Variants in LOC128125817 observed in about 807,000 individuals in gnomAD.
the LOC128125817 span, among the ~76,000 whole-genome samples, chr1:41,623,432 G>T: frequency 6.6e-6 from 1 of 152,168 alleles, no homozygotes; most frequent in Non-Finnish European, 1.5e-5. Context: ...AACAAACAGG[G>T]CTATGTAAAT....
the LOC128125817 span, among the ~76,000 whole-genome samples, chr1:41,597,681 G>T: frequency 6.6e-6 from 1 of 152,162 alleles, no homozygotes; most frequent in Non-Finnish European, 1.5e-5. Flanking sequence ...CTCACAGAGA[G>T]GACACAGATT....
At chr1:41,587,856 T>C in the LOC128125817 span, among the ~76,000 whole-genome samples, 1 of 152,198 alleles carries the variant, frequency 6.6e-6, no homozygotes, top group Non-Finnish European at 1.5e-5. Flanking sequence ...TGTGGCATGA[T>C]GCGCACTGCA....
chr1:41,613,459 G>A, the LOC128125817 span, among the ~76,000 whole-genome samples: 1 of 152,146 alleles, frequency 6.6e-6, no homozygotes, highest in Non-Finnish European at 1.5e-5. Flanking sequence ...CATGTTCTCT[G>A]TGCCTGCCAC....
chr1:41,589,315 G>T, the LOC128125817 span, among the ~76,000 whole-genome samples: 2 of 152,214 alleles, frequency 1.3e-5, no homozygotes, highest in African/African-American at 4.8e-5. Context: ...ATAACCCTGA[G>T]GGGAACCTGA....
the LOC128125817 span, among the ~76,000 whole-genome samples, chr1:41,620,619 A>G: frequency 0.62 from 93,794 of 151,946 alleles, 29,428 homozygotes; most frequent in African/African-American, 0.74. Flanking sequence ...CACCTGCCCC[A>G]CCCAGCACGC....
the LOC128125817 span, among the ~76,000 whole-genome samples, chr1:41,624,258 G>T: frequency 1.7e-3 from 256 of 152,256 alleles, no homozygotes; most frequent in Middle Eastern, 3.4e-3. Context: ...TTTGCTGAAG[G>T]GGTAGTCTCC....
chr1:41,588,210 A>G, the LOC128125817 span, among the ~76,000 whole-genome samples: 24 of 152,276 alleles, frequency 1.6e-4, no homozygotes, highest in Non-Finnish European at 2.9e-5. Flanking sequence ...ACTGTGATGG[A>G]GAGGCCTTTG....
chr1:41,614,041 C>T, the LOC128125817 span, among the ~76,000 whole-genome samples: 3 of 152,212 alleles, frequency 2.0e-5, no homozygotes, highest in Non-Finnish European at 2.9e-5. Context: ...TGTGAGATCA[C>T]GCAGGTTGGA....
the LOC128125817 span, among the ~76,000 whole-genome samples, chr1:41,619,513 C>T: frequency 6.6e-6 from 1 of 152,152 alleles, no homozygotes; most frequent in African/African-American, 2.4e-5. Context: ...CTCCAAGAGG[C>T]AGGTGTTTTG....
the LOC128125817 span, among the ~76,000 whole-genome samples, chr1:41,617,944 T>C: frequency 7.9e-5 from 12 of 152,214 alleles, no homozygotes; most frequent in African/African-American, 2.9e-4. Context: ...CAGGCTCACA[T>C]GTCATTGGGT....
the LOC128125817 span, among the ~76,000 whole-genome samples, chr1:41,586,067 G>A: frequency 6.6e-6 from 1 of 152,228 alleles, no homozygotes; most frequent in African/African-American, 2.4e-5. Flanking sequence ...CTTGATCCAA[G>A]CAATTGCCAG....
At chr1:41,605,699 A>G in the LOC128125817 span, among the ~76,000 whole-genome samples, 1 of 152,080 alleles carries the variant, frequency 6.6e-6, no homozygotes, top group Non-Finnish European at 1.5e-5. Flanking sequence ...TGAAGGATGA[A>G]CAGGATCTCA....
chr1:41,600,337 T>G, the LOC128125817 span, among the ~76,000 whole-genome samples: 2 of 152,334 alleles, frequency 1.3e-5, no homozygotes, highest in East Asian at 3.9e-4. Context: ...GATGAATGAA[T>G]GGATAAAAAA....
At chr1:41,616,569 CTT>C in the LOC128125817 span, among the ~76,000 whole-genome samples, 2 of 127,714 alleles carry the variant, frequency 1.6e-5, no homozygotes, top group Admixed American at 8.3e-5. Context: ...ATAGCAATTA[CTT>C]TTTTTTTTTT....
chr1:41,597,870 C>T, the LOC128125817 span, among the ~76,000 whole-genome samples: 8 of 152,218 alleles, frequency 5.3e-5, no homozygotes, highest in Non-Finnish European at 8.8e-5. Context: ...TACAGCCTTA[C>T]CTCACCTACA....
chr1:41,612,634 G>A, the LOC128125817 span, among the ~76,000 whole-genome samples: 1 of 152,216 alleles, frequency 6.6e-6, no homozygotes. Flanking sequence ...GATTCATGGT[G>A]TTCCCTGAGT....
At chr1:41,600,612 A>G in the LOC128125817 span, among the ~76,000 whole-genome samples, 2 of 152,226 alleles carry the variant, frequency 1.3e-5, no homozygotes, top group Non-Finnish European at 2.9e-5. Context: ...ATGAAAAGTA[A>G]TCTAGAGATT....
chr1:41,615,815 C>CTTTTTTT, the LOC128125817 span, among the ~76,000 whole-genome samples: 1 of 46,990 alleles, frequency 2.1e-5, no homozygotes, highest in Non-Finnish European at 3.9e-5. Context: ...TTTGACAAGT[C>CTTTTTTT]TTTTTTTTTT....
At chr1:41,622,145 C>A in the LOC128125817 span, among the ~76,000 whole-genome samples, 28 of 152,330 alleles carry the variant, frequency 1.8e-4, no homozygotes, top group African/African-American at 6.7e-4. Flanking sequence ...TACAGCAGCA[C>A]CCTGCTGGGT....
Sources: gnomAD v4.1 joint callset for allele counts (sites outside exome capture counted in the v4.1 genomes callset) on GRCh38, gnomAD v4.1.1 for gene constraint, MANE v1.5 for transcripts.